GLI2: variants seen among roughly 807,000 people sequenced by gnomAD.
GLI2 encodes GLI family zinc finger 2.
GLI2 carries 22 observed loss-of-function variants against 78.9 expected under a neutral mutation model. The ratio of observed to expected loss-of-function variants is 0.28; its 90% CI spans 0.20 to 0.40. GLI2 has a LOEUF of 0.40. GLI2 is among the 10% of genes least tolerant of loss of function. GLI2 has a pLI of 1.00. For missense variants in GLI2, 2,097 were observed against 2,213.2 expected, an observed-to-expected ratio of 0.95 and a Z score of 1.05; for synonymous variants, 974 against 963.7, an observed-to-expected ratio of 1.01 and a Z score of -0.20.
At chr2:120,853,070 G>T (rs1407667166) in intron 2 of GLI2, among the ~76,000 whole-genome samples, 1 of 152,222 alleles carries the variant, frequency 6.6e-6, no homozygotes, top group Non-Finnish European at 1.5e-5. Flanking sequence ...TCAGGAGACA[G>T]TAGACGACAC....
intron 2 of GLI2, among the ~76,000 whole-genome samples, chr2:120,918,845 C>T (rs1573599136): frequency 6.6e-6 from 1 of 152,198 alleles, no homozygotes; most frequent in Admixed American, 6.5e-5. Context: ...ATGACAGAGC[C>T]GTGGTTCACA....
At chr2:120,916,936 G>A (rs1426393054) in intron 2 of GLI2, among the ~76,000 whole-genome samples, 2 of 152,146 alleles carry the variant, frequency 1.3e-5, no homozygotes, top group East Asian at 1.9e-4. Context: ...AGCTGGTGTC[G>A]TCGTTTCTGG....
chr2:120,844,134 T>G (rs1439241615), intron 2 of GLI2, among the ~76,000 whole-genome samples: 3 of 152,144 alleles, frequency 2.0e-5, no homozygotes, highest in African/African-American at 7.2e-5. Flanking sequence ...AGTTCGAAAT[T>G]AGCAGTCAGC....
intron 2 of GLI2, among the ~76,000 whole-genome samples, chr2:120,868,403 T>C (rs1688258659): frequency 6.6e-6 from 1 of 152,260 alleles, no homozygotes; most frequent in South Asian, 2.1e-4. Flanking sequence ...TCGTCTTTTT[T>C]CTTTGCAACA....
chr2:120,928,076 A>G (rs1679776916), intron 3 of GLI2, among the ~76,000 whole-genome samples: 1 of 152,114 alleles, frequency 6.6e-6, no homozygotes, highest in African/African-American at 2.4e-5. Context: ...TTTAGGGCTC[A>G]AAAGTCTTGG....
At position 120,972,117 on chromosome 2, in the gene GLI2, C is replaced by T. The variant is rs866698404; in HGVS notation, c.1182+54C>T. 6 of 1,602,898 alleles carry T rather than the reference C, an allele frequency of 3.7e-6. No homozygotes were observed. The African/African-American group carries it at 6.7e-5, about 18-fold the overall frequency. Reference sequence around the variant, plus strand: ...CTCCAGCTAGGACCAGGCTTGTGGGCTGCCTTGGGGCTGTACCCTTGGTGG... The same window carrying T: ...CTCCAGCTAGGACCAGGCTTGTGGGTTGCCTTGGGGCTGTACCCTTGGTGG... On this transcript the variant is annotated intron_variant, in intron 8 of 13. Coordinates refer to ENST00000361492, the MANE Select transcript of GLI2 (RefSeq NM_001374353.1).
chr2:120,838,973 A>G (rs1406969167), intron 2 of GLI2, among the ~76,000 whole-genome samples: 2 of 152,188 alleles, frequency 1.3e-5, no homozygotes, highest in African/African-American at 2.4e-5. Flanking sequence ...TATTTCTCAC[A>G]GTTCTGGAGG....
chr2:120,975,725 C>A (rs1460951969), intron 9 of GLI2, among the ~76,000 whole-genome samples: 4 of 152,148 alleles, frequency 2.6e-5, no homozygotes, highest in Admixed American at 1.3e-4. Flanking sequence ...CCTCTTGGTC[C>A]TCATTCCAAA....
chr2:120,743,030 T>C (rs1463335105), intron 1 of GLI2, among the ~76,000 whole-genome samples: 4 of 152,238 alleles, frequency 2.6e-5, no homozygotes, highest in Non-Finnish European at 5.9e-5. Flanking sequence ...TCTTAATTTG[T>C]TGATTCTCTG....
intron 2 of GLI2, among the ~76,000 whole-genome samples, chr2:120,799,803 T>C (rs1382634758): frequency 1.3e-5 from 2 of 152,156 alleles, no homozygotes; most frequent in Non-Finnish European, 2.9e-5. Flanking sequence ...CCCAGAAGGC[T>C]CCAAAGAGCC....
intron 1 of GLI2, among the ~76,000 whole-genome samples, chr2:120,755,437 T>C (rs1166604000): frequency 6.6e-6 from 1 of 152,200 alleles, no homozygotes; most frequent in African/African-American, 2.4e-5. Flanking sequence ...CTCAATTTTT[T>C]TTTTAACATG....
At chr2:120,939,058 G>T (rs1374880807) in intron 3 of GLI2, among the ~76,000 whole-genome samples, 2 of 152,196 alleles carry the variant, frequency 1.3e-5, no homozygotes, top group Admixed American at 6.5e-5. Flanking sequence ...GAGGCAGGGG[G>T]ATCACCTGAG....
At position 120,763,672 on chromosome 2, in the gene GLI2, C is replaced by T. The variant is rs563371406; in HGVS notation, c.-31+27387C>T. Among the ~76,000 whole-genome samples the T allele has an allele frequency of 8.5e-5, 13 of 152,358 alleles. No individual in the cohort carries two copies. In the South Asian group the frequency reaches 1.9e-3, roughly 22 times the overall value. ...GAGGGGCCTGCCTTCTACTCACAGC[C>T]CTCTGGGCAGAATGACAAGAAGCCA... On this transcript the variant is annotated intron_variant, in intron 1 of 13. Coordinates refer to ENST00000361492, the MANE Select transcript of GLI2 (RefSeq NM_001374353.1).
At chr2:120,755,889 A>G (rs968660187) in intron 1 of GLI2, among the ~76,000 whole-genome samples, 1 of 152,110 alleles carries the variant, frequency 6.6e-6, no homozygotes, top group African/African-American at 2.4e-5. Flanking sequence ...CTTCCCATAT[A>G]TGTGTGGGCC....
intron 2 of GLI2, among the ~76,000 whole-genome samples, chr2:120,804,775 A>G (rs1684865662): frequency 6.6e-6 from 1 of 152,190 alleles, no homozygotes; most frequent in Admixed American, 6.5e-5. Flanking sequence ...GTGCAGGCTG[A>G]CCACCCAGAT....
chr2:120,845,361 G>T (rs1387583782), intron 2 of GLI2, among the ~76,000 whole-genome samples: 1 of 152,212 alleles, frequency 6.6e-6, no homozygotes, highest in Non-Finnish European at 1.5e-5. Flanking sequence ...CATGTCTTGT[G>T]GTTGTTCCAA....
At chr2:120,809,637 T>C (rs1685139569) in intron 2 of GLI2, among the ~76,000 whole-genome samples, 1 of 152,148 alleles carries the variant, frequency 6.6e-6, no homozygotes, top group South Asian at 2.1e-4. Flanking sequence ...GGCCTGGTCG[T>C]GCTGCTGCTC....
chr2:120,794,522 A>C (rs1684293340), intron 1 of GLI2, among the ~76,000 whole-genome samples: 1 of 152,194 alleles, frequency 6.6e-6, no homozygotes, highest in Non-Finnish European at 1.5e-5. Flanking sequence ...GCCAAGACCC[A>C]GAGGGGAAAG....
At chr2:120,881,704 A>AG (rs1414763113) in intron 2 of GLI2, among the ~76,000 whole-genome samples, 1 of 33,630 alleles carries the variant, frequency 3.0e-5, no homozygotes, top group African/African-American at 1.2e-4. Flanking sequence ...TCGGGAGGAC[A>AG]GTGGGGAGAG....
Sources: gnomAD v4.1 joint callset for allele counts (sites outside exome capture counted in the v4.1 genomes callset) on GRCh38, gnomAD v4.1.1 for gene constraint, MANE v1.5 for transcripts, NCBI Gene and HGNC (gene_info 2026-07-23, HGNC 2026-07-21) for gene names.